Variants in PRKAG2 observed in about 807,000 individuals in gnomAD.
PRKAG2 encodes the protein 5'-AMP-activated protein kinase subunit gamma-2.
A neutral mutation model predicts 69.6 loss-of-function variants in PRKAG2; 26 were observed. The observed-to-expected ratio is 0.37, with a 90% CI of 0.27 to 0.52. The LOEUF (loss-of-function observed/expected upper bound fraction) is 0.52. Ranked by LOEUF, PRKAG2 falls within the 20% of genes least tolerant of loss-of-function variation. The pLI is 0.90. For synonymous variants in PRKAG2, 293 were observed against 285.0 expected, an observed-to-expected ratio of 1.03 and a Z score of -0.28; for missense variants, 557 against 740.0, an observed-to-expected ratio of 0.75 and a Z score of 2.87.
intron 1 of PRKAG2, among the ~76,000 whole-genome samples, chr7:151,801,620 C>T (rs939889798): frequency 3.3e-5 from 5 of 152,276 alleles, no homozygotes; most frequent in East Asian, 3.9e-4. Flanking sequence ...CAAACCACGG[C>T]GCTAATGAAC....
At chr7:151,795,598 G>T (rs1264698608) in intron 1 of PRKAG2, among the ~76,000 whole-genome samples, 1 of 152,040 alleles carries the variant, frequency 6.6e-6, no homozygotes, top group Non-Finnish European at 1.5e-5. Flanking sequence ...GGCTGCCGTG[G>T]GCGTATTTGC....
At chr7:151,621,176 T>C (rs940607259) in intron 5 of PRKAG2, among the ~76,000 whole-genome samples, 2 of 152,256 alleles carry the variant, frequency 1.3e-5, no homozygotes, top group African/African-American at 4.8e-5. Flanking sequence ...CTTTGTGTGC[T>C]ATCTTCCTCT....
At chr7:151,769,755 G>A (rs2075925237) in intron 3 of PRKAG2, among the ~76,000 whole-genome samples, 1 of 152,182 alleles carries the variant, frequency 6.6e-6, no homozygotes, top group Non-Finnish European at 1.5e-5. Flanking sequence ...AGGTGTGGCG[G>A]AAACACGAGG....
chr7:151,596,923 A>G (rs116826095), intron 5 of PRKAG2, among the ~76,000 whole-genome samples: 1,813 of 152,260 alleles, frequency 0.012, 26 homozygotes, highest in African/African-American at 0.041. Context: ...GACAAGAAAA[A>G]AAAAATCCTA....
intron 6 of PRKAG2, among the ~76,000 whole-genome samples, chr7:151,588,906 G>A (rs980208643): frequency 6.6e-6 from 1 of 152,200 alleles, no homozygotes; most frequent in East Asian, 1.9e-4. Context: ...GAATTCCTGG[G>A]CTTATCTGGA....
chr7:151,855,454 T>TGCTCCACACACACCGC (rs2079735051), intron 1 of PRKAG2, among the ~76,000 whole-genome samples: 4 of 4,230 alleles, frequency 9.5e-4, no homozygotes, highest in Admixed American at 3.4e-3. Context: ...ACACACACCA[T>TGCTCCACACACACCGC]CCTCCACACA....
intron 4 of PRKAG2, among the ~76,000 whole-genome samples, chr7:151,635,099 G>A (rs531389608): frequency 6.6e-6 from 1 of 152,130 alleles, no homozygotes; most frequent in Admixed American, 6.5e-5. Flanking sequence ...ACAGGCACAT[G>A]CTACCACAGG....
At chr7:151,605,042 G>A (rs1292542926) in intron 5 of PRKAG2, among the ~76,000 whole-genome samples, 1 of 151,994 alleles carries the variant, frequency 6.6e-6, no homozygotes, top group Non-Finnish European at 1.5e-5. Context: ...TTGGAGACAG[G>A]GTCTCGCTCT....
At chr7:151,761,762 C>T (rs555150700) in intron 3 of PRKAG2, among the ~76,000 whole-genome samples, 16 of 152,208 alleles carry the variant, frequency 1.1e-4, no homozygotes, top group South Asian at 4.1e-4. Context: ...AAGGACCCAT[C>T]GGGCAATGAC....
chr7:151,671,342 T>G (rs1832012772), intron 4 of PRKAG2, among the ~76,000 whole-genome samples: 1 of 152,170 alleles, frequency 6.6e-6, no homozygotes, highest in Non-Finnish European at 1.5e-5. Context: ...AGAGATAAAT[T>G]ACATCCAAAT....
At chr7:151,672,181 A>C (rs1832155412) in intron 4 of PRKAG2, among the ~76,000 whole-genome samples, 1 of 151,582 alleles carries the variant, frequency 6.6e-6, no homozygotes, top group Non-Finnish European at 1.5e-5. Flanking sequence ...GGCTCACTGC[A>C]AGCTCTGCCT....
intron 1 of PRKAG2, among the ~76,000 whole-genome samples, chr7:151,831,085 T>C (rs2079016541): frequency 6.6e-6 from 1 of 152,052 alleles, no homozygotes; most frequent in African/African-American, 2.4e-5. Context: ...ATTACAAGTG[T>C]TGACAAGGAT....
intron 5 of PRKAG2, among the ~76,000 whole-genome samples, chr7:151,618,591 C>A (rs1820724202): frequency 6.6e-6 from 1 of 151,740 alleles, no homozygotes; most frequent in Non-Finnish European, 1.5e-5. Context: ...ATGGTGAAAC[C>A]CCGTCTCTAC....
intron 3 of PRKAG2, among the ~76,000 whole-genome samples, chr7:151,688,952 G>C (rs1835201418): frequency 6.6e-6 from 1 of 152,072 alleles, no homozygotes; most frequent in African/African-American, 2.4e-5. Flanking sequence ...CTTCTGAGAG[G>C]AGCTATACCC....
intron 1 of PRKAG2, among the ~76,000 whole-genome samples, chr7:151,787,492 T>C (rs529406780): frequency 6.6e-6 from 1 of 152,130 alleles, no homozygotes; most frequent in African/African-American, 2.4e-5. Flanking sequence ...CTTAGCATAA[T>C]GTCTTCAAGG....
chr7:151,832,264 GAA>G (rs2079049326), intron 1 of PRKAG2, among the ~76,000 whole-genome samples: 7 of 125,952 alleles, frequency 5.6e-5, no homozygotes, highest in African/African-American at 2.3e-4. Context: ...AGGAGGGAAG[GAA>G]GGGAGGAGGG....
At chr7:151,718,804 A>G (rs1796587836) in intron 3 of PRKAG2, among the ~76,000 whole-genome samples, 2 of 151,998 alleles carry the variant, frequency 1.3e-5, no homozygotes, top group African/African-American at 2.4e-5. Context: ...TGACGGCTCA[A>G]TGGGATTCTC....
At chr7:151,670,060 C>T (rs1328883373) in intron 4 of PRKAG2, among the ~76,000 whole-genome samples, 2 of 130,132 alleles carry the variant, frequency 1.5e-5, no homozygotes, top group Non-Finnish European at 3.3e-5. Flanking sequence ...GTGCACATAC[C>T]CGCATGCACA....
intron 4 of PRKAG2, among the ~76,000 whole-genome samples, chr7:151,634,808 A>G (rs975030047): frequency 6.6e-6 from 1 of 152,200 alleles, no homozygotes; most frequent in African/African-American, 2.4e-5. Flanking sequence ...TAAAACCACA[A>G]TGAGATACTA....
Sources: allele counts gnomAD v4.1 joint callset (sites outside exome capture counted in the v4.1 genomes callset), GRCh38; gene constraint gnomAD v4.1.1; transcripts MANE v1.5; gene names NCBI Gene and HGNC (gene_info 2026-07-23, HGNC 2026-07-21).